The following PCDH11Y variants were observed in gnomAD, a reference collection of about 807,000 sequenced individuals.
PCDH11Y encodes the protein protocadherin-11 Y-linked.
For synonymous variants in PCDH11Y, 9 were observed against 83.6 expected (o/e 0.11, Z 4.87); for missense variants, 12 against 224.8 (o/e 0.05, Z 6.05).
intron 3 of PCDH11Y, among the ~76,000 whole-genome samples, chrY:5,540,126 T>C: frequency 3.1e-5 from 1 of 32,549 alleles, no homozygotes; most frequent in Non-Finnish European, 7.6e-5. Context: ...CTTTCTCCTT[T>C]CCTTCTTTCC....
chrY:5,055,344 TTGA>T, upstream of PCDH11Y, among the ~76,000 whole-genome samples: 1 of 33,341 alleles, frequency 3.0e-5, no homozygotes, highest in Non-Finnish European at 7.4e-5. Context: ...CTAAAACTTG[TTGA>T]TGTTATCGAT....
intron 4 of PCDH11Y, among the ~76,000 whole-genome samples, chrY:5,644,946 A>G: frequency 3.0e-5 from 1 of 33,030 alleles, no homozygotes; most frequent in African/African-American, 1.2e-4. Context: ...CTTGCCTTAC[A>G]AATATTATAA....
At chrY:5,535,764 G>A (rs2053399535) in intron 3 of PCDH11Y, among the ~76,000 whole-genome samples, 1 of 32,980 alleles carries the variant, frequency 3.0e-5, no homozygotes, top group Non-Finnish European at 7.4e-5. Flanking sequence ...TGGGATTGCT[G>A]GATCAAGTGA....
chrY:5,318,824 G>GA (rs2053109933), intron 2 of PCDH11Y, among the ~76,000 whole-genome samples: 3 of 28,340 alleles, frequency 1.1e-4, no homozygotes, highest in Non-Finnish European at 2.5e-4. Context: ...TTAAATAACT[G>GA]AAAAAAAAAT....
chrY:5,645,872 C>A (rs2124705599), intron 4 of PCDH11Y, among the ~76,000 whole-genome samples: 1 of 29,494 alleles, frequency 3.4e-5, no homozygotes, highest in African/African-American at 1.3e-4. Flanking sequence ...AGAAGGGAAC[C>A]CTAGTACCGT....
intron 4 of PCDH11Y, among the ~76,000 whole-genome samples, chrY:5,653,484 A>G: frequency 3.0e-5 from 1 of 33,284 alleles, no homozygotes; most frequent in Non-Finnish European, 7.4e-5. Context: ...TCAGTAGCCA[A>G]TTCGATCAAG....
intron 2 of PCDH11Y, among the ~76,000 whole-genome samples, chrY:5,409,883 C>G: frequency 3.0e-5 from 1 of 33,876 alleles, no homozygotes; most frequent in Non-Finnish European, 7.3e-5. Flanking sequence ...TTTTCCTGGT[C>G]TTCGTGAGAA....
At chrY:5,122,311 C>G (rs2052819276) in intron 2 of PCDH11Y, among the ~76,000 whole-genome samples, 1 of 33,099 alleles carries the variant, frequency 3.0e-5, no homozygotes, top group African/African-American at 1.2e-4. Flanking sequence ...CCCTTCTTAG[C>G]CTGTTGACTT....
At chrY:5,549,671 G>C (rs1602941897) in intron 3 of PCDH11Y, among the ~76,000 whole-genome samples, 1 of 33,369 alleles carries the variant, frequency 3.0e-5, no homozygotes, top group African/African-American at 1.2e-4. Flanking sequence ...GTTCACTGCA[G>C]CACTATTCAC....
At chrY:5,108,823 G>A (rs2052800037), downstream of PCDH11Y, among the ~76,000 whole-genome samples, 1 of 29,033 alleles carries the variant, frequency 3.4e-5, no homozygotes. Flanking sequence ...TAGAAGTTGA[G>A]TTTATATTCA....
chrY:5,460,822 C>T (rs2053302400), intron 2 of PCDH11Y, among the ~76,000 whole-genome samples: 2 of 33,233 alleles, frequency 6.0e-5, no homozygotes, highest in Non-Finnish European at 1.5e-4. Flanking sequence ...TTTTACTTGA[C>T]GTTCAATAAT....
intron 2 of PCDH11Y, among the ~76,000 whole-genome samples, chrY:5,493,721 G>A (rs2053341045): frequency 3.0e-5 from 1 of 33,395 alleles, no homozygotes; most frequent in African/African-American, 1.2e-4. Context: ...GGCTTGTCAC[G>A]TAGAAGAACA....
At chrY:5,050,872 C>A in intron 3 of PCDH11Y, among the ~76,000 whole-genome samples, 1 of 31,703 alleles carries the variant, frequency 3.2e-5, no homozygotes, top group Non-Finnish European at 7.6e-5. Context: ...CACACACACA[C>A]AATTATATAT....
chrY:5,574,192 C>A, intron 3 of PCDH11Y: 1 of 262,260 alleles, frequency 3.8e-6, no homozygotes, highest in African/African-American at 7.2e-5. Flanking sequence ...CTGGCACAGA[C>A]CCGGGCAGAG....
In PCDH11Y at chrY:5,654,645, C is replaced by T. The variant is rs2053534768; in HGVS notation, c.3352+72847C>T. 1.2e-4 allele frequency among the ~76,000 whole-genome samples: 4 copies of T among 32,402 alleles called. No homozygotes were observed. The East Asian group carries it at 2.4e-3, about 20-fold the overall frequency. The allele number at this position is 32,402 out of a possible 37,273, so 86.9% of individuals were successfully genotyped here. A position where few individuals can be genotyped will look rare whatever the true frequency, so the allele number is the denominator to read the frequency against. On this transcript the variant is annotated intron_variant, in intron 4 of 4. Coordinates refer to the PCDH11Y transcript ENST00000400457. ...AACATGGGAACAGAAAACCAAATAC[C>T]GCATGTTCTCACTTATCAGTGTAAG...
intron 2 of PCDH11Y, among the ~76,000 whole-genome samples, chrY:5,457,573 AT>A: frequency 6.0e-5 from 2 of 33,159 alleles, no homozygotes; most frequent in Admixed American, 5.5e-4. Flanking sequence ...GGAGGTAATA[AT>A]TGTTAAACCT....
At chrY:5,243,894 G>A in intron 2 of PCDH11Y, among the ~76,000 whole-genome samples, 1 of 30,577 alleles carries the variant, frequency 3.3e-5, no homozygotes, top group Non-Finnish European at 7.6e-5. Flanking sequence ...AAGATATTCA[G>A]GACCTGAACT....
At chrY:5,510,116 C>A (rs2053363332) in intron 3 of PCDH11Y, among the ~76,000 whole-genome samples, 2 of 21,420 alleles carry the variant, frequency 9.3e-5, no homozygotes, top group African/African-American at 1.8e-4. Context: ...CACCATTGCA[C>A]TCCAGCCTGG....
intron 1 of PCDH11Y, among the ~76,000 whole-genome samples, chrY:5,006,526 T>C: frequency 3.0e-5 from 1 of 33,632 alleles, no homozygotes; most frequent in Non-Finnish European, 7.4e-5. Context: ...TCGCTGGGAA[T>C]TGGGAAGGGA....
Sources: allele counts gnomAD v4.1 joint callset (sites outside exome capture counted in the v4.1 genomes callset), GRCh38; gene constraint gnomAD v4.1.1; transcripts MANE v1.5; gene names NCBI Gene and HGNC (gene_info 2026-07-23, HGNC 2026-07-21).